WASHC2C: variants seen among roughly 807,000 people sequenced by gnomAD.
WASHC2C encodes WASH complex subunit 2C, also known as Vaccinia Penetration Factor.
Under a neutral mutation model 142.2 loss-of-function variants are expected in WASHC2C, and 73 were observed. The observed-to-expected ratio is 0.51, with a 90% CI of 0.43 to 0.62. The LOEUF (loss-of-function observed/expected upper bound fraction) is 0.62. WASHC2C is among the 20% of genes least tolerant of loss of function. WASHC2C has a pLI of 0.00. For missense variants in WASHC2C, 969 were observed against 1,531.7 expected, an observed-to-expected ratio of 0.63 and a Z score of 6.13; for synonymous variants, 337 against 565.5, an observed-to-expected ratio of 0.60 and a Z score of 5.73.
Position 45,789,199 on chromosome 10 carries a change from G to T in WASHC2C, c.3416G>T (p.Gly1139Val). Residue 1139 changes from glycine to valine, a missense_variant, in exon 29 of 31, where the codon GGC becomes GTC. Coordinates refer to ENST00000623400, the MANE Select transcript of WASHC2C (RefSeq NM_001330074.2). ...LFDSGDIFST[G>V]TGSQSVERTK... ...GATTCTGGGGACATTTTTTCCACGG[G>T]CACTGGATCTCAGTCCGTGGAGAGA... 6.2e-7 allele frequency: 1 copy of T among 1,612,052 alleles called. No homozygotes were observed.
intron 21 of WASHC2C, 128 bp downstream of exon 21, chr10:45,773,486 G>A (rs1554885430): frequency 6.9e-6 from 6 of 865,534 alleles, no homozygotes; most frequent in Non-Finnish European, 9.1e-6. Context: ...TTATTTGCCT[G>A]GTTTCAGAAA....
chr10:45,783,750 C>T (rs1465759298), intron 23 of WASHC2C, among the ~76,000 whole-genome samples: 5 of 152,252 alleles, frequency 3.3e-5, no homozygotes, highest in African/African-American at 9.6e-5. Flanking sequence ...CATGAGCCAC[C>T]ATGCCTGGCC....
At chr10:45,785,173 G>T (rs1554889527) in intron 25 of WASHC2C, among the ~76,000 whole-genome samples, 2 of 152,210 alleles carry the variant, frequency 1.3e-5, no homozygotes, top group Non-Finnish European at 2.9e-5. Context: ...TTAAATGGTT[G>T]ATTGAAAGAC....
chr10:45,788,541 G>A (rs1315553547), intron 28 of WASHC2C, among the ~76,000 whole-genome samples: 1 of 151,592 alleles, frequency 6.6e-6, no homozygotes, highest in South Asian at 2.1e-4. Flanking sequence ...GGGAGGGGTT[G>A]TGAGACACAG....
Position 45,737,993 on chromosome 10 carries a change from A to G in WASHC2C, c.302A>G (p.Asp101Gly), listed in dbSNP as rs781948503. The change falls in exon 4 of 31, where the codon GAT becomes GGT. Residue 101 changes from aspartate (D) to glycine (G), a missense_variant. By Grantham distance (94) the Asp-to-Gly change is moderately conservative. Coordinates refer to ENST00000623400, the MANE Select transcript of WASHC2C (RefSeq NM_001330074.2). The stretch of plus-strand genomic sequence containing the variant: ...TGCTTCCATATTTAGCGTGTATATG[A>G]TGAAGAAGTGGAGGAGCCAGTACTC... The part of the protein sequence containing the change: ...NTQFIENRVY[D>G]EEVEEPVLKA... 29 of 1,611,682 alleles carry G rather than the reference A, an allele frequency of 1.8e-5. No homozygotes were observed. Among genetic ancestry groups the G allele is most frequent in the Non-Finnish European group, 2.3e-5 (27 of 1,179,824 alleles).
intron 13 of WASHC2C, among the ~76,000 whole-genome samples, chr10:45,754,129 C>G (rs565806467): frequency 0.011 from 1,683 of 152,208 alleles, 4 homozygotes; most frequent in Non-Finnish European, 0.015. Context: ...TCATTCTCAT[C>G]CAACTGGAAT....
In WASHC2C at chr10:45,787,411, C is replaced by G. The variant is rs189851968; in HGVS notation, c.3087+164C>G. 1.7e-3 allele frequency among the ~76,000 whole-genome samples: 263 copies of G among 150,760 alleles called. 1 individual carries two copies. The highest frequency in any genetic ancestry group is 5.8e-3 in the African/African-American group (239 of 41,132). ...TCCCCCCTCCATTCTCCCCACCCCC[C>G]TCATCCTGCACCTGCTTTTCCATGG... On this transcript the variant is annotated intron_variant, in intron 28 of 30. Transcript: ENST00000623400.
chr10:45,749,396 T>C (rs2053252459), intron 8 of WASHC2C, among the ~76,000 whole-genome samples: 1 of 150,546 alleles, frequency 6.6e-6, no homozygotes, highest in Admixed American at 6.6e-5. Flanking sequence ...GATCACCCCA[T>C]TGCACTTCAG....
intron 3 of WASHC2C, among the ~76,000 whole-genome samples, chr10:45,735,402 A>G (rs1482617161): frequency 6.6e-6 from 1 of 150,762 alleles, no homozygotes; most frequent in Non-Finnish European, 1.5e-5. Flanking sequence ...GCTAATTTTT[A>G]TATTTTTAGT....
intron 20 of WASHC2C, among the ~76,000 whole-genome samples, chr10:45,772,437 C>T (rs777942458): frequency 1.9e-4 from 29 of 152,166 alleles, no homozygotes; most frequent in Admixed American, 3.3e-4. Flanking sequence ...GTGAATCTGG[C>T]CAGGTGCAAC....
At chr10:45,787,940 T>G (rs543432188) in intron 28 of WASHC2C, among the ~76,000 whole-genome samples, 12 of 152,338 alleles carry the variant, frequency 7.9e-5, no homozygotes, top group Admixed American at 5.9e-4. Context: ...TGTAGTTGGG[T>G]TTCTTGTTTC....
At chr10:45,751,684 C>G (rs1215569120) in intron 11 of WASHC2C, 131 bp downstream of exon 11, 1 of 1,504,744 alleles carries the variant, frequency 6.6e-7, no homozygotes, top group African/African-American at 1.4e-5. Context: ...ATTTACTTTT[C>G]TAAAGCCTCT....
intron 17 of WASHC2C, among the ~76,000 whole-genome samples, chr10:45,761,522 GA>G (rs2055083519): frequency 6.6e-6 from 1 of 152,194 alleles, no homozygotes; most frequent in African/African-American, 2.4e-5. Context: ...ATCATAGAGT[GA>G]ATGTTTTTAT....
intron 20 of WASHC2C, among the ~76,000 whole-genome samples, chr10:45,772,436 G>T: frequency 6.6e-6 from 1 of 152,162 alleles, no homozygotes; most frequent in East Asian, 1.9e-4. Flanking sequence ...AGTGAATCTG[G>T]CCAGGTGCAA....
rs1554874067 is a variant in WASHC2C at position 45,750,833 on chromosome 10, C to T, written c.926C>T (p.Pro309Leu). 7 of 1,548,158 alleles carry T rather than the reference C, an allele frequency of 4.5e-6. No individual in the cohort carries two copies. Among genetic ancestry groups the T allele is most frequent in the East Asian group, 2.4e-5 (1 of 40,854 alleles). Reference protein sequence around the residue: ...GDAMGRVDEEPTTLPSGEAKP... With the variant: ...GDAMGRVDEELTTLPSGEAKP... ...GCCATGGGTCGAGTGGACGAGGAGC[C>T]GACAAGTGAGCCCCAGCCACGTTGA... The change falls in exon 10 of 31, where the codon CCG (proline) becomes CTG (leucine). Residue 309 changes from proline (P) to leucine (L), a missense_variant. Physicochemically the swap from Pro to Leu is moderately conservative, Grantham distance 98 (BLOSUM62 -3). Coordinates refer to ENST00000623400, the MANE Select transcript of WASHC2C (RefSeq NM_001330074.2).
chr10:45,743,571 T>A (rs1280371955), intron 6 of WASHC2C, 88 bp downstream of exon 6: 7 of 1,466,116 alleles, frequency 4.8e-6, no homozygotes, highest in Non-Finnish European at 6.4e-6. Context: ...GTTTCAAGAA[T>A]AGTTCAAAGA....
intron 5 of WASHC2C, among the ~76,000 whole-genome samples, chr10:45,741,291 C>G (rs2052015628): frequency 6.6e-6 from 1 of 152,140 alleles, no homozygotes; most frequent in Admixed American, 6.5e-5. Context: ...ATTTCTCTTC[C>G]AGTTTGAGCT....
intron 28 of WASHC2C, among the ~76,000 whole-genome samples, chr10:45,787,748 C>T (rs569676173): frequency 3.0e-4 from 45 of 152,198 alleles, no homozygotes; most frequent in South Asian, 8.3e-4. Flanking sequence ...GTCTGTTCTG[C>T]TGCTGCCCAA....
intron 5 of WASHC2C, among the ~76,000 whole-genome samples, chr10:45,742,174 C>CT (rs2052158672): frequency 6.6e-6 from 1 of 152,178 alleles, no homozygotes; most frequent in Non-Finnish European, 1.5e-5. Context: ...CCAGCATGTG[C>CT]TGTTGGGGCC....
Sources: allele counts gnomAD v4.1 joint callset (sites outside exome capture counted in the v4.1 genomes callset), GRCh38; gene constraint gnomAD v4.1.1; transcripts MANE v1.5; gene names NCBI Gene and HGNC (gene_info 2026-07-23, HGNC 2026-07-21).